Variants in NWD1 observed in about 807,000 individuals in gnomAD.
NWD1 encodes the protein NACHT and WD repeat domain containing 1, also known as NACHT domain- and WD repeat-containing protein 1.
NWD1 carries 129 observed loss-of-function variants against 135.1 expected under a neutral mutation model. The ratio of observed to expected loss-of-function variants is 0.96; its 90% CI spans 0.83 to 1.11. The LOEUF (loss-of-function observed/expected upper bound fraction) is 1.11, where lower values mean the gene tolerates loss of function less well. NWD1 is among the 50% of genes least tolerant of loss of function. The probability of loss-of-function intolerance (pLI) is 0.00; values close to 1 mark genes in which losing one functional copy is unlikely to be tolerated. For missense variants in NWD1, 1,740 were observed against 1,851.3 expected, an observed-to-expected ratio of 0.94 and a Z score of 1.10; for synonymous variants, 773 against 786.0, an observed-to-expected ratio of 0.98 and a Z score of 0.28.
intron 18 of NWD1, among the ~76,000 whole-genome samples, chr19:16,811,323 C>T (rs7249526): frequency 0.08 from 12,114 of 152,144 alleles, 915 homozygotes; most frequent in African/African-American, 0.19. Context: ...GTGGCTCATG[C>T]CTGTAATCCT....
At chr19:16,805,233 A>G (rs1191961460) in intron 17 of NWD1, among the ~76,000 whole-genome samples, 1 of 151,520 alleles carries the variant, frequency 6.6e-6, no homozygotes, top group Non-Finnish European at 1.5e-5. Flanking sequence ...TTATTTTTGT[A>G]TTTTTAGTAG....
chr19:16,739,355 A>T (rs10412190), intron 4 of NWD1, among the ~76,000 whole-genome samples: 2,636 of 130,510 alleles, frequency 0.02, 110 homozygotes, highest in African/African-American at 0.072. Flanking sequence ...AAAAAAAAAA[A>T]TTATTTTTTT....
chr19:16,750,482 T>A, intron 6 of NWD1, 71 bp downstream of exon 6: 2 of 1,192,372 alleles, frequency 1.7e-6, no homozygotes, highest in Non-Finnish European at 2.3e-6. Flanking sequence ...GAGATGGAGG[T>A]CTGGCTATGT....
At chr19:16,799,196 ATTTATT>A (rs1417266807) in intron 16 of NWD1, among the ~76,000 whole-genome samples, 1 of 151,948 alleles carries the variant, frequency 6.6e-6, no homozygotes, top group East Asian at 1.9e-4. Flanking sequence ...TTTCTTATTT[ATTTATT>A]TTTATTTTTA....
At chr19:16,802,603 G>A (rs972531859) in intron 17 of NWD1, among the ~76,000 whole-genome samples, 1 of 151,930 alleles carries the variant, frequency 6.6e-6, no homozygotes. Context: ...AGAAGCAGAA[G>A]CTGGCACCAT....
At chr19:16,735,257 A>G (rs922534394) in intron 3 of NWD1, among the ~76,000 whole-genome samples, 2 of 152,082 alleles carry the variant, frequency 1.3e-5, no homozygotes, top group African/African-American at 4.8e-5. Context: ...TAATCCTAAC[A>G]TTTTGGGAGG....
At chr19:16,762,257 C>T (rs1969047059) in intron 8 of NWD1, 119 bp downstream of exon 8, 1 of 842,688 alleles carries the variant, frequency 1.2e-6, no homozygotes, top group African/African-American at 1.7e-5. Flanking sequence ...CTCCTTTCCG[C>T]ACAGAGGGCA....
intron 8 of NWD1, 90 bp from the exon 9 acceptor site, chr19:16,763,738 G>A: frequency 1.2e-6 from 1 of 839,342 alleles, no homozygotes; most frequent in Non-Finnish European, 2.1e-6. Flanking sequence ...CTCCAGCACT[G>A]TCTGGAGCAT....
intron 6 of NWD1, among the ~76,000 whole-genome samples, chr19:16,752,951 T>C (rs150698122): frequency 1.6e-3 from 247 of 152,294 alleles, no homozygotes; most frequent in African/African-American, 5.6e-3. Flanking sequence ...TGAGCTGTGA[T>C]CATGCCACTG....
intron 10 of NWD1, among the ~76,000 whole-genome samples, chr19:16,769,847 C>CT (rs1477554871): frequency 1.3e-5 from 2 of 151,914 alleles, no homozygotes; most frequent in South Asian, 2.1e-4. Flanking sequence ...TTTCTTTTTT[C>CT]TTTTTTTAGA....
In NWD1 at chr19:16,773,341, A is replaced by G; in HGVS notation, c.2608+18A>G. ...TCACAAAGGTGAGTCTCCCCAGCAT[A>G]GCAAAAATCCCAGCAGGCACCTGCT... On this transcript the variant is annotated intron_variant, in intron 11 of 18. Coordinates refer to ENST00000524140, the MANE Select transcript of NWD1 (RefSeq NM_001007525.5). 3.1e-6 allele frequency: 5 copies of G among 1,604,310 alleles called. No homozygotes were observed. The highest frequency in any genetic ancestry group is 2.7e-5 in the African/African-American group (2 of 74,886).
rs1327154729 is a variant in NWD1 at position 16,749,133 on chromosome 19, T to C, written c.497-6T>C. The C allele has an allele frequency of 1.3e-6, 2 of 1,582,196 alleles. No individual in the cohort carries two copies. Among genetic ancestry groups the C allele is most frequent in the African/African-American group, 1.4e-5 (1 of 73,886 alleles). ...CACTTCCTTCCCACCTTCCCCACTT[T>C]GGCAGTCATTGAGTGGGAGATAGAG... On this transcript the variant is annotated splice_region_variant and splice_polypyrimidine_tract_variant and intron_variant, in intron 5 of 18. Coordinates refer to ENST00000524140, the MANE Select transcript of NWD1 (RefSeq NM_001007525.5).
chr19:16,766,379 G>A (rs913367432), intron 10 of NWD1, among the ~76,000 whole-genome samples: 14 of 152,086 alleles, frequency 9.2e-5, no homozygotes, highest in African/African-American at 1.7e-4. Flanking sequence ...TCCAGCCTGG[G>A]TGACAGAGCG....
rs1379406561 is a variant in NWD1 at position 16,723,690 on chromosome 19, T to A, written c.-104-676T>A. ...TACAGCTTTTTCTGTTTTGTTTTGT[T>A]TTGTTTTGTTTTGTTTTGTTTTGTT... On this transcript the variant is annotated intron_variant, in intron 1 of 18. Coordinates refer to ENST00000524140, the MANE Select transcript of NWD1 (RefSeq NM_001007525.5). Among the ~76,000 whole-genome samples the A allele has an allele frequency of 2.7e-5, 4 of 149,568 alleles. No individual in the cohort carries two copies. In the East Asian group the frequency reaches 5.8e-4, roughly 22 times the overall value.
rs752088956 is a variant in NWD1 at position 16,797,886 on chromosome 19, G to C, written c.3459G>C (p.Gln1153His). ...CGGGGTCCCTTGATGCGCTCATTCA[G>C]GTGAGGGGAGATCTGGGACCCTTCA... Reference protein sequence around the residue: ...IITGSLDALIQVWSLSEQGTL... With the variant: ...IITGSLDALIHVWSLSEQGTL... The change falls in exon 16 of 19, where the codon CAG becomes CAC. Residue 1153 changes from glutamine to histidine, a missense_variant and splice_region_variant. Coordinates refer to ENST00000524140, the MANE Select transcript of NWD1 (RefSeq NM_001007525.5). 1 of 1,612,846 alleles carries C rather than the reference G, an allele frequency of 6.2e-7. No individual in the cohort carries two copies. Among genetic ancestry groups the C allele is most frequent in the Non-Finnish European group, 8.5e-7 (1 of 1,179,356 alleles).
chr19:16,777,624 T>G (rs991909224), intron 11 of NWD1, among the ~76,000 whole-genome samples: 23 of 1,018 alleles, frequency 0.023, no homozygotes, highest in Admixed American at 0.047. Context: ...GGGAGGGAAG[T>G]GGAGGGGAAG....
rs1163703777 is a variant in NWD1 at position 16,816,641 on chromosome 19, C to T, written c.*1602C>T. The T allele has an allele frequency of 1.3e-5, 2 of 152,324 alleles. No homozygotes were observed. Among genetic ancestry groups the T allele is most frequent in the East Asian group, 3.9e-4 (2 of 5,182 alleles). 9.4% of individuals were successfully genotyped at this position (152,324 alleles called of 1,614,324 possible). On this transcript the variant is annotated 3_prime_UTR_variant, in exon 19 of 19. Coordinates refer to ENST00000524140, the MANE Select transcript of NWD1 (RefSeq NM_001007525.5). ...TTCTTTGCCCACAGCCTTCTAAAAGCCCTTCTCAGTCTTCTCAGGCTTTTA... is the reference window on the plus strand; with the variant it reads ...TTCTTTGCCCACAGCCTTCTAAAAGTCCTTCTCAGTCTTCTCAGGCTTTTA...
rs373222022 is a variant in NWD1, at chr19:16,782,851, C to CTTCCTT, written c.2731+3393_2731+3398dup. 9.5e-4 allele frequency among the ~76,000 whole-genome samples: 136 copies of CTTCCTT among 143,468 alleles called. 1 individual carries two copies. Among genetic ancestry groups the CTTCCTT allele is most frequent in the African/African-American group, 3.2e-3 (126 of 39,404 alleles). 94.1% of individuals were successfully genotyped at this position (143,468 alleles called of 152,430 possible). ...TTGTTGGCTGTGTTTCTTTTTCTTTCTTCCTTTTCCTTCTTTCTTTCTTTC... is the reference window on the plus strand; with the variant it reads ...TTGTTGGCTGTGTTTCTTTTTCTTTCTTCCTTTTCCTTTTCCTTCTTTCTTTCTTTC... On this transcript the variant is annotated intron_variant, in intron 12 of 18. Transcript: ENST00000524140.
At chr19:16,793,297 G>T (rs1432979057) in intron 14 of NWD1, among the ~76,000 whole-genome samples, 1 of 151,914 alleles carries the variant, frequency 6.6e-6, no homozygotes, top group Non-Finnish European at 1.5e-5. Context: ...GCAGTGGCAC[G>T]ATCATGGCTC....
Sources: gnomAD v4.1 joint callset for allele counts (sites outside exome capture counted in the v4.1 genomes callset) on GRCh38, gnomAD v4.1.1 for gene constraint, MANE v1.5 for transcripts, NCBI Gene and HGNC (gene_info 2026-07-23, HGNC 2026-07-21) for gene names.